TLE1: variants seen among roughly 807,000 people sequenced by gnomAD.
TLE1 encodes transducin-like enhancer protein 1.
A neutral mutation model predicts 89.8 loss-of-function variants in TLE1; 21 were observed. That is an observed-to-expected ratio of 0.23 (90% CI 0.17 to 0.34). TLE1 has a LOEUF of 0.34. Ranked by LOEUF, TLE1 falls within the 10% of genes least tolerant of loss-of-function variation. The pLI is 1.00. For missense variants in TLE1, 795 were observed against 1,031.2 expected (o/e 0.77, Z 3.14); for synonymous variants, 447 against 407.6 (o/e 1.10, Z -1.16).
intron 6 of TLE1, among the ~76,000 whole-genome samples, chr9:81,651,354 T>C (rs1829506845): frequency 6.6e-6 from 1 of 152,116 alleles, no homozygotes. Context: ...GGGCGGAGGA[T>C]GAACTCATGC....
intron 11 of TLE1, among the ~76,000 whole-genome samples, chr9:81,615,712 CAA>C (rs371090700): frequency 0.019 from 1,855 of 97,896 alleles, 9 homozygotes; most frequent in Non-Finnish European, 0.027. Flanking sequence ...GACTCCGTCT[CAA>C]AAAAAAAAAA....
chr9:81,636,269 G>C (rs1414362801), intron 6 of TLE1, among the ~76,000 whole-genome samples: 4 of 152,106 alleles, frequency 2.6e-5, no homozygotes, highest in Non-Finnish European at 5.9e-5. Context: ...GCAATAGTGA[G>C]ACATAAAACT....
intron 6 of TLE1, among the ~76,000 whole-genome samples, chr9:81,650,968 G>T (rs1033801363): frequency 6.6e-6 from 1 of 152,178 alleles, no homozygotes; most frequent in Non-Finnish European, 1.5e-5. Flanking sequence ...GATGAAAGGA[G>T]AGTTTTCAAG....
chr9:81,615,951 A>C, intron 11 of TLE1, 31 bp downstream of exon 11: 5 of 1,612,022 alleles, frequency 3.1e-6, no homozygotes, highest in Non-Finnish European at 4.2e-6. Context: ...ATACACTGCC[A>C]AACAGGCAAG....
chr9:81,634,426 A>T, intron 6 of TLE1, 125 bp from the exon 7 acceptor site: 1 of 747,350 alleles, frequency 1.3e-6, no homozygotes, highest in Non-Finnish European at 2.0e-6. Flanking sequence ...GAAACAGAAC[A>T]GGAGGTTCAA....
chr9:81,647,800 G>C (rs80285818), intron 6 of TLE1, among the ~76,000 whole-genome samples: 1,682 of 152,208 alleles, frequency 0.011, 32 homozygotes, highest in African/African-American at 0.031. Flanking sequence ...CTGATCCCAA[G>C]GCCCATGCTT....
In TLE1 at chr9:81,689,307, T is replaced by C. The variant is rs1322226247; in HGVS notation, c.-1067A>G. ...CGGCCACCCTCCCCGGCGGGCAAAC[T>C]CTGCGGGCGAGTCCAGAGTAGTCAC... On this transcript the variant is annotated 5_prime_UTR_variant, in exon 1 of 20. Coordinates refer to ENST00000376499, the MANE Select transcript of TLE1 (RefSeq NM_005077.5). The C allele has an allele frequency of 6.6e-6, 1 of 152,132 alleles. No individual in the cohort carries two copies. The highest frequency in any genetic ancestry group is 2.1e-4 in the South Asian group (1 of 4,818). 9.4% of individuals were successfully genotyped at this position (152,132 alleles called of 1,614,324 possible).
chr9:81,679,379 T>G (rs1282059735), intron 4 of TLE1, among the ~76,000 whole-genome samples: 1 of 152,142 alleles, frequency 6.6e-6, no homozygotes, highest in Non-Finnish European at 1.5e-5. Flanking sequence ...ATCATTCCTT[T>G]GCAAACAATT....
In TLE1 at chr9:81,584,204, G is replaced by A. The variant is rs776326611; in HGVS notation, c.2307C>T (p.Ile769=). The A allele has an allele frequency of 4.3e-6, 7 of 1,613,302 alleles. No homozygotes were observed. The highest frequency in any genetic ancestry group is 8.5e-7 in the Non-Finnish European group (1 of 1,179,224). ...GTTAAACCACATAATGTTTTCAGTA[G>A]ATGACTTCATAGACTGTAGCCTTCT... ...GDKKATVYEV[I]Y Residue 769 remains isoleucine, a synonymous_variant, in exon 20 of 20, where the codon ATC becomes ATT. Coordinates refer to ENST00000376499, the MANE Select transcript of TLE1 (RefSeq NM_005077.5).
chr9:81,687,520 G>A (rs1834457649), intron 1 of TLE1, 86 bp from the exon 2 acceptor site: 1 of 999,634 alleles, frequency 1.0e-6, no homozygotes, highest in South Asian at 1.4e-5. Context: ...AGAACGGGTG[G>A]GACATAAACA....
intron 8 of TLE1, among the ~76,000 whole-genome samples, chr9:81,624,752 CTGTA>C (rs751641283): frequency 4.6e-5 from 7 of 152,098 alleles, no homozygotes; most frequent in Non-Finnish European, 1.0e-4. Flanking sequence ...GGTTTCTAGA[CTGTA>C]TGTAAGTTTT....
At chr9:81,604,452 T>A (rs1831370958) in intron 14 of TLE1, among the ~76,000 whole-genome samples, 1 of 152,058 alleles carries the variant, frequency 6.6e-6, no homozygotes, top group African/African-American at 2.4e-5. Flanking sequence ...AGAGCTGCCA[T>A]GAGGATGATA....
chr9:81,687,904 AG>A (rs940730470), intron 1 of TLE1, among the ~76,000 whole-genome samples: 66 of 151,334 alleles, frequency 4.4e-4, no homozygotes, highest in African/African-American at 1.2e-3. Flanking sequence ...GGAGAAACAA[AG>A]GGGGGGGCGC....
intron 4 of TLE1, among the ~76,000 whole-genome samples, chr9:81,676,360 T>G (rs1832909458): frequency 6.6e-6 from 1 of 152,154 alleles, no homozygotes; most frequent in Non-Finnish European, 1.5e-5. Context: ...TACAGGACAC[T>G]GAGCAAAACA....
At chr9:81,597,546 ACAGT>A (rs1830397002) in intron 14 of TLE1, among the ~76,000 whole-genome samples, 1 of 152,082 alleles carries the variant, frequency 6.6e-6, no homozygotes, top group Non-Finnish European at 1.5e-5. Flanking sequence ...TGCAGGGCAG[ACAGT>A]CAGTCCTGGA....
intron 14 of TLE1, among the ~76,000 whole-genome samples, chr9:81,607,906 TGTA>T (rs1036488966): frequency 1.3e-5 from 2 of 152,216 alleles, no homozygotes; most frequent in African/African-American, 4.8e-5. Flanking sequence ...TGATTCCTAG[TGTA>T]GACAAAAACC....
rs898424224 is a variant in TLE1, at chr9:81,652,156, A to G, written c.372+58T>C. 3.3e-6 allele frequency: 5 copies of G among 1,505,774 alleles called. No individual in the cohort carries two copies. The African/African-American group carries it at 4.3e-5, about 13-fold the overall frequency. The allele number at this position is 1,505,774 out of a possible 1,614,324, so 93.3% of individuals were successfully genotyped here. ...ACACACACGTAAAGCCATCAAATTA[A>G]TAAGAAATGAAAGCTGGTTATACAC... is the stretch of plus-strand genomic sequence containing the variant. On this transcript the variant is annotated intron_variant, in intron 6 of 19. Coordinates refer to ENST00000376499, the MANE Select transcript of TLE1 (RefSeq NM_005077.5).
At chr9:81,674,953 G>C (rs145913365) in intron 4 of TLE1, among the ~76,000 whole-genome samples, 4 of 151,730 alleles carry the variant, frequency 2.6e-5, no homozygotes, top group African/African-American at 7.3e-5. Context: ...CCAGGAATTC[G>C]AGACCATCCT....
intron 6 of TLE1, among the ~76,000 whole-genome samples, chr9:81,637,219 G>A (rs552701872): frequency 2.0e-5 from 3 of 152,104 alleles, no homozygotes; most frequent in East Asian, 3.9e-4. Flanking sequence ...TTAGCCGGGC[G>A]TGGTGGTGCA....
Sources: gnomAD v4.1 joint callset for allele counts (sites outside exome capture counted in the v4.1 genomes callset) on GRCh38, gnomAD v4.1.1 for gene constraint, MANE v1.5 for transcripts, NCBI Gene and HGNC (gene_info 2026-07-23, HGNC 2026-07-21) for gene names.